Variants in ZNF638 observed in about 807,000 individuals in gnomAD.
The protein encoded by ZNF638 is zinc finger protein 638.
Under a neutral mutation model 195.6 loss-of-function variants are expected in ZNF638, and 46 were observed. The ratio of observed to expected loss-of-function variants is 0.24; its 90% CI spans 0.19 to 0.30. The LOEUF is 0.30. ZNF638 is among the 10% of genes least tolerant of loss of function. ZNF638 has a pLI of 1.00. For missense variants in ZNF638, 2,440 were observed against 2,325.3 expected (o/e 1.05, Z -1.01); for synonymous variants, 845 against 772.0 (o/e 1.09, Z -1.57).
chr2:71,375,260 C>T (rs1208376672), intron 8 of ZNF638: 3 of 152,162 alleles, frequency 2.0e-5, no homozygotes, highest in Non-Finnish European at 4.4e-5. Flanking sequence ...ACTAATAAAA[C>T]CTCACTAGTG....
At chr2:71,418,518 A>AT in intron 20 of ZNF638, 84 bp from the exon 21 acceptor site, 1 of 1,008,102 alleles carries the variant, frequency 9.9e-7, no homozygotes, top group Non-Finnish European at 1.4e-6. Context: ...TTGAGCTTAA[A>AT]TTTTTACTAA....
intron 4 of ZNF638, among the ~76,000 whole-genome samples, 162 bp downstream of exon 4, chr2:71,363,353 A>G (rs2079140091): frequency 6.6e-6 from 1 of 152,214 alleles, no homozygotes; most frequent in South Asian, 2.1e-4. Flanking sequence ...CTTAAAGGTG[A>G]CACAGCCCCT....
chr2:71,341,754 C>T (rs763064176), intron 1 of ZNF638: 1 of 152,130 alleles, frequency 6.6e-6, no homozygotes, highest in Non-Finnish European at 1.5e-5. Flanking sequence ...TTCCGATGAA[C>T]GAACCTCTTT....
At chr2:71,409,744 CTCCT>C (rs1252558550) in intron 20 of ZNF638, among the ~76,000 whole-genome samples, 1 of 152,096 alleles carries the variant, frequency 6.6e-6, no homozygotes, top group African/African-American at 2.4e-5. Context: ...TGAATGGAGT[CTCCT>C]TTCAGAGCTA....
At chr2:71,375,003 T>C (rs2079394952) in intron 8 of ZNF638, 1 of 152,140 alleles carries the variant, frequency 6.6e-6, no homozygotes, top group African/African-American at 2.4e-5. Context: ...TTCCATAAAG[T>C]TCTTGAACAT....
rs1346601079 is a variant in ZNF638 at position 71,348,702 on chromosome 2, C to G, written c.-202-51C>G. On this transcript the variant is annotated intron_variant, in intron 1 of 27. Transcript: ENST00000264447. ...TTTACACTGGCTGTAGAACCCACTT[C>G]ATGAAGTAGTTTGAGTTAAAATGAT... is the stretch of plus-strand genomic sequence containing the variant. The G allele has an allele frequency of 7.6e-6, 11 of 1,438,842 alleles. No individual in the cohort carries two copies. The East Asian group carries it at 2.8e-4, about 36-fold the overall frequency. The allele number at this position is 1,438,842 out of a possible 1,614,324, so 89.1% of individuals were successfully genotyped here. A position where few individuals can be genotyped will look rare whatever the true frequency, so the allele number is the denominator to read the frequency against.
intron 8 of ZNF638, among the ~76,000 whole-genome samples, chr2:71,371,328 A>G (rs1007881871): frequency 2.6e-5 from 4 of 152,172 alleles, no homozygotes; most frequent in Admixed American, 6.5e-5. Flanking sequence ...CCTCTTCAAT[A>G]TACTGATTTC....
intron 1 of ZNF638, among the ~76,000 whole-genome samples, chr2:71,340,769 G>A (rs1234272494): frequency 1.3e-5 from 2 of 152,078 alleles, no homozygotes; most frequent in Non-Finnish European, 2.9e-5. Context: ...AATGTATCTG[G>A]TATATGGAAA....
At chr2:71,336,527 AAAAG>A (rs535935030) in intron 1 of ZNF638, among the ~76,000 whole-genome samples, 79 of 152,356 alleles carry the variant, frequency 5.2e-4, no homozygotes, top group African/African-American at 1.7e-3. Flanking sequence ...TCGTCTTACT[AAAAG>A]AAAGAAACAC....
intron 26 of ZNF638, among the ~76,000 whole-genome samples, chr2:71,432,635 C>T (rs187531824): frequency 7.4e-4 from 113 of 152,358 alleles, no homozygotes; most frequent in African/African-American, 2.6e-3. Flanking sequence ...CAGTGGCATA[C>T]TGGCATTCCC....
chr2:71,428,852 C>T (rs948235441), intron 25 of ZNF638: 10 of 422,978 alleles, frequency 2.4e-5, no homozygotes, highest in Non-Finnish European at 2.6e-5. Context: ...TAGAATGTGA[C>T]AGATTAGAGG....
rs151286516 is a variant in ZNF638, at chr2:71,422,774, T to C, written c.3300-40T>C. 2.7e-5 allele frequency: 43 copies of C among 1,568,236 alleles called. No individual in the cohort carries two copies. In the African/African-American group the frequency reaches 5.5e-4, roughly 20 times the overall value. ...TCATAGTTTGATTTTTGTTTGTGTT[T>C]TTGTTTGTGTTCTTTTTGTTTGTTT... On this transcript the variant is annotated intron_variant, in intron 21 of 27. Transcript: ENST00000264447.
rs763281468 is a variant in ZNF638, at chr2:71,355,773, C to G, written c.1372C>G (p.Arg458Gly). The G allele has an allele frequency of 3.8e-6, 6 of 1,580,822 alleles. No individual in the cohort carries two copies. Among genetic ancestry groups the G allele is most frequent in the African/African-American group, 2.7e-5 (2 of 73,804 alleles). ...STHIESCRQLRQQYPDWNPEI... is the reference protein window; with the variant it reads ...STHIESCRQLGQQYPDWNPEI... Reference sequence around the variant, plus strand: ...TCATATTGAGAGCTGTCGACAGTTACGTCAACAGTAAGAATATATTTTTCC... The same window carrying G: ...TCATATTGAGAGCTGTCGACAGTTAGGTCAACAGTAAGAATATATTTTTCC... The change falls in exon 3 of 28, where the codon CGT (arginine) becomes GGT (glycine). Residue 458 changes from arginine (R) to glycine (G), a missense_variant. By Grantham distance (125) the Arg-to-Gly change is moderately radical. Coordinates refer to ENST00000264447, the MANE Select transcript of ZNF638 (RefSeq NM_014497.5).
At chr2:71,344,313 A>G (rs192872148) in intron 1 of ZNF638, among the ~76,000 whole-genome samples, 93 of 152,314 alleles carry the variant, frequency 6.1e-4, no homozygotes, top group African/African-American at 2.0e-3. Context: ...CTGCCAGTGG[A>G]TGCTGAAAAT....
intron 1 of ZNF638, among the ~76,000 whole-genome samples, chr2:71,338,136 C>T (rs1439395327): frequency 2.6e-5 from 4 of 152,158 alleles, no homozygotes; most frequent in Non-Finnish European, 5.9e-5. Flanking sequence ...TGTTTCCCCC[C>T]ACTCCCCCTG....
rs1050098765 is a variant in ZNF638, at chr2:71,388,569, C to T, written c.2378-7572C>T. ...CTAAGGCCGAGCAGTTTCCTAGCTG[C>T]GCTCACGCAAAATACCTGTGTCTGC... On this transcript the variant is annotated intron_variant, in intron 10 of 27. Transcript: ENST00000264447. 3.2e-5 allele frequency: 24 copies of T among 753,512 alleles called. No individual in the cohort carries two copies. In the African/African-American group the frequency reaches 3.4e-4, roughly 11 times the overall value. The allele number at this position is 753,512 out of a possible 1,614,324, so 46.7% of individuals were successfully genotyped here. A position where few individuals can be genotyped will look rare whatever the true frequency, so the allele number is the denominator to read the frequency against.
At chr2:71,388,462 T>A in intron 10 of ZNF638, 1 of 689,974 alleles carries the variant, frequency 1.4e-6, no homozygotes. Context: ...TTGTGTTGGC[T>A]CCAGGCCTTT....
In ZNF638 at chr2:71,402,236, T is replaced by C. The variant is rs1013001059; in HGVS notation, c.2829+149T>C. On this transcript the variant is annotated intron_variant, in intron 16 of 27. Transcript: ENST00000264447. ...GGGATTTTAAAATATAAAACACAGA[T>C]ATCCTGTATTTTAGTATTGTTGTAA... 3.9e-6 allele frequency: 3 copies of C among 762,502 alleles called. No individual in the cohort carries two copies. The African/African-American group carries it at 5.3e-5, about 14-fold the overall frequency. The allele number at this position is 762,502 out of a possible 1,614,324, so 47.2% of individuals were successfully genotyped here.
intron 27 of ZNF638, 148 bp downstream of exon 27, chr2:71,433,431 T>A: frequency 1.7e-6 from 1 of 605,352 alleles, no homozygotes; most frequent in South Asian, 2.1e-5. Flanking sequence ...TCCTTCAGTG[T>A]ACCTTGCCTG....
Sources: allele counts gnomAD v4.1 joint callset (sites outside exome capture counted in the v4.1 genomes callset), GRCh38; gene constraint gnomAD v4.1.1; transcripts MANE v1.5; gene names NCBI Gene and HGNC (gene_info 2026-07-23, HGNC 2026-07-21).